The following LRRC37B variants were observed in gnomAD, a reference collection of about 807,000 sequenced individuals.
LRRC37B encodes the protein leucine-rich repeat-containing protein 37B.
LRRC37B carries 28 observed loss-of-function variants against 98.3 expected under a neutral mutation model. That is an observed-to-expected ratio of 0.28 (90% confidence interval 0.21 to 0.39). The LOEUF is 0.39. LRRC37B is among the 10% of genes least tolerant of loss of function. LRRC37B has a pLI of 1.00. For synonymous variants in LRRC37B, 364 were observed against 442.7 expected (o/e 0.82, Z 2.23); for missense variants, 938 against 1,182.7 (o/e 0.79, Z 3.03).
At chr17:32,021,439 T>G in exon 1 of LRRC37B, 1 of 1,614,030 alleles carries the variant, frequency 6.2e-7, no homozygotes, top group South Asian at 1.1e-5. Flanking sequence ...GCTCCATTCC[T>G]GAAGGAATTG....
At chr17:32,026,446 G>C (rs549578872) in intron 2 of LRRC37B, among the ~76,000 whole-genome samples, 98 of 152,256 alleles carry the variant, frequency 6.4e-4, no homozygotes, top group African/African-American at 2.3e-3. Flanking sequence ...TTTATTTTTC[G>C]AGATGGAATT....
At chr17:32,021,001 A>G (rs1235711579), upstream of LRRC37B, 4 of 1,533,094 alleles carry the variant, frequency 2.6e-6, no homozygotes, top group Admixed American at 6.4e-5. Context: ...CCCTGGTAAC[A>G]TGGAACAGAT....
At chr17:32,048,653 C>G (rs1911655068) in intron 9 of LRRC37B, among the ~76,000 whole-genome samples, 1 of 152,206 alleles carries the variant, frequency 6.6e-6, no homozygotes, top group Non-Finnish European at 1.5e-5. Flanking sequence ...TTATAAAACT[C>G]ACTCCCGTGT....
At chr17:32,032,702 G>A (rs571785701) in intron 5 of LRRC37B, among the ~76,000 whole-genome samples, 1 of 152,132 alleles carries the variant, frequency 6.6e-6, no homozygotes. Flanking sequence ...TCATTAATTT[G>A]CTGATGCTTA....
chr17:32,045,006 GATA>G (rs1911534512), intron 7 of LRRC37B, among the ~76,000 whole-genome samples: 1 of 152,200 alleles, frequency 6.6e-6, no homozygotes, highest in African/African-American at 2.4e-5. Flanking sequence ...CTCCATCAGT[GATA>G]ATCTTTGTCT....
At chr17:32,022,878 C>A in intron 1 of LRRC37B, 53 bp downstream of exon 4, 4 of 1,563,878 alleles carry the variant, frequency 2.6e-6, no homozygotes, top group Non-Finnish European at 3.5e-6. Flanking sequence ...ACATGGCAGC[C>A]TTTTCCTGGA....
exon 4 of LRRC37B, chr17:32,030,724 A>G: frequency 7.1e-7 from 1 of 1,417,130 alleles, no homozygotes; most frequent in Non-Finnish European, 9.6e-7. Context: ...TTTTTGCAGT[A>G]TATGTAAGTT....
exon 1 of LRRC37B, chr17:32,022,281 CCTT>C (rs750547385): frequency 4.3e-6 from 7 of 1,613,860 alleles, no homozygotes; most frequent in African/African-American, 4.0e-5. Flanking sequence ...GGAGGCGGAA[CCTT>C]CTTCTACAGC....
upstream of LRRC37B, chr17:32,020,852 C>G: frequency 9.9e-7 from 1 of 1,005,958 alleles, no homozygotes; most frequent in Non-Finnish European, 1.4e-6. Context: ...CCCCACCCCA[C>G]CCCACCACAG....
chr17:32,010,280 T>C (rs1284839512), intron 1 of LRRC37B, among the ~76,000 whole-genome samples: 1 of 152,240 alleles, frequency 6.6e-6, no homozygotes, highest in Non-Finnish European at 1.5e-5. Flanking sequence ...CAATATGTAA[T>C]GTCTATAGAA....
chr17:32,024,086 G>T (rs1418122964), intron 1 of LRRC37B, among the ~76,000 whole-genome samples: 1 of 150,528 alleles, frequency 6.6e-6, no homozygotes, highest in Non-Finnish European at 1.5e-5. Flanking sequence ...ATTTTATTTT[G>T]TTTTTTTTGC....
At chr17:32,041,754 G>A (rs1027276215) in intron 7 of LRRC37B, 36 of 457,720 alleles carry the variant, frequency 7.9e-5, no homozygotes, top group Admixed American at 6.1e-4. Flanking sequence ...TAACGGTGAC[G>A]GCTCCCTTCC....
At position 32,047,846 on chromosome 17, in the gene LRRC37B, T is replaced by C; in HGVS notation, c.2409T>C (p.Thr803=). ...AGCAGCACATGAGCACTCAGCTGAC[T>C]ATTGAGTCGGAGGCGCCCTCAGACA... is the stretch of plus-strand genomic sequence containing the variant. The change falls in exon 9 of 12, where the codon ACT becomes ACC. Residue 803 remains threonine (T), a synonymous_variant. Transcript: ENST00000327564. The C allele has an allele frequency of 2.5e-6, 4 of 1,614,154 alleles. No individual in the cohort carries two copies. The South Asian group carries it at 4.4e-5, about 18-fold the overall frequency.
chr17:32,018,862 C>A (rs989309075), upstream of LRRC37B, among the ~76,000 whole-genome samples: 16 of 152,084 alleles, frequency 1.1e-4, no homozygotes, highest in African/African-American at 3.9e-4. Flanking sequence ...AACAATAGAC[C>A]ACATACATGA....
At chr17:32,039,573 C>CTATATATATTTTATATATTTATATATAT (rs1911365562) in intron 7 of LRRC37B, among the ~76,000 whole-genome samples, 1 of 99,270 alleles carries the variant, frequency 1.0e-5, no homozygotes, top group African/African-American at 3.9e-5. Context: ...ATATATATTT[C>CTATATATATTTTATATATTTATATATAT]TATATATATT....
At chr17:32,022,965 C>T in intron 1 of LRRC37B, 140 bp downstream of exon 4, 1 of 759,442 alleles carries the variant, frequency 1.3e-6, no homozygotes, top group East Asian at 2.4e-5. Flanking sequence ...CCTGTCAATT[C>T]TCCCTTCTCC....
chr17:32,019,883 C>G (rs1301534387), upstream of LRRC37B, among the ~76,000 whole-genome samples: 1 of 152,108 alleles, frequency 6.6e-6, no homozygotes, highest in African/African-American at 2.4e-5. Context: ...CGGAGTTTCT[C>G]TCTTGTTGCC....
intron 1 of LRRC37B, among the ~76,000 whole-genome samples, chr17:32,015,060 G>T (rs1411981256): frequency 6.6e-6 from 1 of 152,162 alleles, no homozygotes; most frequent in East Asian, 1.9e-4. Context: ...AACCTAGGAG[G>T]TGGAGGTTGC....
At chr17:32,023,663 C>G (rs1434704448) in intron 1 of LRRC37B, among the ~76,000 whole-genome samples, 1 of 152,198 alleles carries the variant, frequency 6.6e-6, no homozygotes, top group East Asian at 1.9e-4. Flanking sequence ...ATACATGGAA[C>G]ACTTCATCAG....
Sources: allele counts gnomAD v4.1 joint callset (sites outside exome capture counted in the v4.1 genomes callset), GRCh38; gene constraint gnomAD v4.1.1; transcripts MANE v1.5; gene names NCBI Gene and HGNC (gene_info 2026-07-23, HGNC 2026-07-21).